PYGL: variants seen among roughly 807,000 people sequenced by gnomAD.
The protein encoded by PYGL is glycogen phosphorylase, liver form.
Under a neutral mutation model 100.1 loss-of-function variants are expected in PYGL, and 90 were observed. The observed-to-expected ratio is 0.90, with a 90% CI of 0.76 to 1.07. PYGL has a LOEUF of 1.07. Ranked by LOEUF, PYGL falls within the 50% of genes least tolerant of loss-of-function variation. The pLI is 0.00. For missense variants in PYGL, 1,016 were observed against 1,057.6 expected (o/e 0.96, Z 0.55); for synonymous variants, 373 against 393.0 (o/e 0.95, Z 0.60).
At chr14:50,908,020 C>T (rs1336868830) in intron 19 of PYGL, 1 of 212,236 alleles carries the variant, frequency 4.7e-6, no homozygotes, top group Non-Finnish European at 8.7e-6. Context: ...AGATCTGTCT[C>T]AAAAAAAAAA....
At chr14:50,911,634 G>T in intron 16 of PYGL, 96 bp downstream of exon 16, 1 of 1,491,208 alleles carries the variant, frequency 6.7e-7, no homozygotes, top group Non-Finnish European at 9.3e-7. Context: ...TCTATCCTAA[G>T]TTACTAGCTC....
chr14:50,906,403 T>G (rs2050337021), intron 19 of PYGL, among the ~76,000 whole-genome samples: 1 of 152,230 alleles, frequency 6.6e-6, no homozygotes, highest in African/African-American at 2.4e-5. Context: ...AAGAGGAGGA[T>G]AAAAGCTTTC....
At chr14:50,924,505 G>A (rs956027609) in intron 4 of PYGL, among the ~76,000 whole-genome samples, 1 of 152,050 alleles carries the variant, frequency 6.6e-6, no homozygotes, top group African/African-American at 2.4e-5. Flanking sequence ...GATGTTTATC[G>A]TTGGATACCT....
chr14:50,913,829 C>T (rs1267614817), intron 12 of PYGL, among the ~76,000 whole-genome samples: 1 of 152,068 alleles, frequency 6.6e-6, no homozygotes, highest in East Asian at 1.9e-4. Context: ...GCTAGGATTA[C>T]AGGTGCATGC....
chr14:50,911,707 A>T (rs748627171), intron 16 of PYGL, 23 bp downstream of exon 16: 2 of 1,613,720 alleles, frequency 1.2e-6, no homozygotes, highest in Non-Finnish European at 1.7e-6. Flanking sequence ...TGGCCCCTGC[A>T]TATTTTGCAA....
chr14:50,913,237 C>A, intron 12 of PYGL, 107 bp from the exon 13 acceptor site: 1 of 856,946 alleles, frequency 1.2e-6, no homozygotes, highest in South Asian at 1.4e-5. Context: ...GTGTAGTTCA[C>A]GTATCACACA....
chr14:50,912,120 C>T, intron 14 of PYGL, 36 bp downstream of exon 14: 2 of 1,614,228 alleles, frequency 1.2e-6, no homozygotes, highest in Non-Finnish European at 1.7e-6. Context: ...CTGCTTCCAC[C>T]TGCAAGGGGG....
chr14:50,908,684 G>A (rs1207315534), intron 18 of PYGL, 137 bp downstream of exon 18: 8 of 1,255,178 alleles, frequency 6.4e-6, no homozygotes, highest in Non-Finnish European at 9.0e-6. Flanking sequence ...GCTAATCTAT[G>A]CTAATCTACA....
chr14:50,928,218 T>A (rs1209510863), intron 4 of PYGL, among the ~76,000 whole-genome samples: 1 of 152,168 alleles, frequency 6.6e-6, no homozygotes, highest in Non-Finnish European at 1.5e-5. Flanking sequence ...TTCTAAGAAA[T>A]GCTCTTCTCT....
chr14:50,941,487 G>A (rs2050701466), intron 1 of PYGL, among the ~76,000 whole-genome samples: 1 of 152,150 alleles, frequency 6.6e-6, no homozygotes, highest in African/African-American at 2.4e-5. Context: ...GTCATTCAAG[G>A]GAACCTATAG....
intron 4 of PYGL, among the ~76,000 whole-genome samples, chr14:50,928,870 A>G (rs953200257): frequency 6.6e-6 from 1 of 152,108 alleles, no homozygotes; most frequent in Non-Finnish European, 1.5e-5. Flanking sequence ...TTATGGAAAT[A>G]ATTTCTTTTT....
chr14:50,910,826 C>T (rs2050388892), intron 16 of PYGL, among the ~76,000 whole-genome samples: 2 of 152,176 alleles, frequency 1.3e-5, no homozygotes, highest in East Asian at 3.9e-4. Flanking sequence ...TTGAGGTGTG[C>T]CTGGGGCTAG....
At position 50,937,720 on chromosome 14, in the gene PYGL, T is replaced by G; in HGVS notation, c.345+16A>C. ...ATTTAAAGAGACAGGATGAGAGAAATCTAGGAACAATGTACCTGGTAAATG... is the reference window on the plus strand; with the variant it reads ...ATTTAAAGAGACAGGATGAGAGAAAGCTAGGAACAATGTACCTGGTAAATG... On this transcript the variant is annotated intron_variant, in intron 2 of 19. Coordinates refer to ENST00000216392, the MANE Select transcript of PYGL (RefSeq NM_002863.5). 1 of 1,597,042 alleles carries G rather than the reference T, an allele frequency of 6.3e-7. No individual in the cohort carries two copies. The highest frequency in any genetic ancestry group is 1.3e-5 in the African/African-American group (1 of 74,640).
rs929616939 is a variant in PYGL, at chr14:50,931,534, G to A, written c.528+139C>T. 4 of 752,808 alleles carry A rather than the reference G, an allele frequency of 5.3e-6. No homozygotes were observed. In the African/African-American group the frequency reaches 7.0e-5, roughly 13 times the overall value. The allele number at this position is 752,808 out of a possible 1,614,324, so 46.6% of individuals were successfully genotyped here. A position where few individuals can be genotyped will look rare whatever the true frequency, so the allele number is the denominator to read the frequency against. The stretch of plus-strand genomic sequence containing the variant: ...ACATTCTGAAGTGGGAAGATGGATA[G>A]ATAGAACTCACTGATACCAACCAAA... On this transcript the variant is annotated intron_variant, in intron 4 of 19. Coordinates refer to ENST00000216392, the MANE Select transcript of PYGL (RefSeq NM_002863.5).
intron 2 of PYGL, among the ~76,000 whole-genome samples, chr14:50,937,234 G>T (rs1047974368): frequency 6.6e-6 from 1 of 152,216 alleles, no homozygotes; most frequent in African/African-American, 2.4e-5. Flanking sequence ...TTAGGGTTAA[G>T]ACTTCAAGCT....
At chr14:50,911,618 A>T in intron 16 of PYGL, 112 bp downstream of exon 16, 6 of 1,387,204 alleles carry the variant, frequency 4.3e-6, no homozygotes, top group Non-Finnish European at 6.1e-6. Context: ...CACAAGAGTG[A>T]CACCTTCTAT....
intron 18 of PYGL, among the ~76,000 whole-genome samples, chr14:50,908,540 T>A (rs1193621665): frequency 6.6e-6 from 1 of 152,182 alleles, no homozygotes; most frequent in African/African-American, 2.4e-5. Context: ...CTGGGATGCA[T>A]TTGGAAGTTG....
At chr14:50,939,319 G>C (rs982060768) in intron 1 of PYGL, among the ~76,000 whole-genome samples, 2 of 152,226 alleles carry the variant, frequency 1.3e-5, no homozygotes, top group Admixed American at 6.5e-5. Context: ...TTACAGGCGT[G>C]AGCCAAGCGC....
chr14:50,905,258 A>T lies in PYGL; in HGVS notation c.*134T>A, dbSNP rs1374053563. ...ACACTTTATTTTTAAGCTCTATTAC[A>T]TATAATTTCCCTCCCCATTCCCAGA... On this transcript the variant is annotated 3_prime_UTR_variant, in exon 20 of 20. Coordinates refer to ENST00000216392, the MANE Select transcript of PYGL (RefSeq NM_002863.5). The T allele has an allele frequency of 1.9e-5, 18 of 927,320 alleles. No homozygotes were observed. The highest frequency in any genetic ancestry group is 1.4e-4 in the Admixed American group (6 of 44,256). The allele number at this position is 927,320 out of a possible 1,614,324, so 57.4% of individuals were successfully genotyped here. A position where few individuals can be genotyped will look rare whatever the true frequency, so the allele number is the denominator to read the frequency against.
Sources: allele counts gnomAD v4.1 joint callset (sites outside exome capture counted in the v4.1 genomes callset), GRCh38; gene constraint gnomAD v4.1.1; transcripts MANE v1.5; gene names NCBI Gene and HGNC (gene_info 2026-07-23, HGNC 2026-07-21).